SHISA9: variants seen among roughly 807,000 people sequenced by gnomAD.
The protein encoded by SHISA9 is protein shisa-9.
Under a neutral mutation model 38.0 loss-of-function variants are expected in SHISA9, and 13 were observed. That is an observed-to-expected ratio of 0.34 (90% CI 0.22 to 0.54). The LOEUF is 0.54. Among genes scored for constraint, SHISA9 ranks in the 20% least tolerant of loss-of-function variants. The pLI is 0.91. For missense variants in SHISA9, 538 were observed against 575.8 expected, an observed-to-expected ratio of 0.93 and a Z score of 0.67; for synonymous variants, 275 against 242.0, an observed-to-expected ratio of 1.14 and a Z score of -1.27.
chr16:13,447,934 G>T, the SHISA9 span, among the ~76,000 whole-genome samples: 1 of 152,312 alleles, frequency 6.6e-6, no homozygotes, highest in African/African-American at 2.4e-5. Flanking sequence ...ACATACAAAA[G>T]TCATTAGGTG....
intron 2 of SHISA9, among the ~76,000 whole-genome samples, chr16:13,092,869 A>C (rs1488307358): frequency 6.6e-6 from 1 of 152,160 alleles, no homozygotes; most frequent in East Asian, 1.9e-4. Flanking sequence ...CAGGTACCTC[A>C]GTTGGAAATG....
the SHISA9 span, among the ~76,000 whole-genome samples, chr16:13,530,727 C>T: frequency 1.3e-5 from 2 of 152,044 alleles, no homozygotes; most frequent in African/African-American, 4.8e-5. Context: ...AGCATGATTT[C>T]CTTCAGGCAG....
At chr16:13,057,513 T>C (rs2073324635) in intron 2 of SHISA9, among the ~76,000 whole-genome samples, 1 of 152,152 alleles carries the variant, frequency 6.6e-6, no homozygotes, top group South Asian at 2.1e-4. Context: ...ATTCTTGGGC[T>C]TCACCATAGA....
At chr16:13,386,620 G>A in the SHISA9 span, among the ~76,000 whole-genome samples, 12 of 152,066 alleles carry the variant, frequency 7.9e-5, no homozygotes, top group Admixed American at 2.0e-4. Flanking sequence ...TATTATACAC[G>A]TATCTTTGAA....
At chr16:13,085,307 T>C (rs1288347478) in intron 2 of SHISA9, among the ~76,000 whole-genome samples, 1 of 151,952 alleles carries the variant, frequency 6.6e-6, no homozygotes, top group Non-Finnish European at 1.5e-5. Flanking sequence ...TAAATAATTA[T>C]TAAGGAAGAG....
chr16:13,430,921 G>GAA, the SHISA9 span, among the ~76,000 whole-genome samples: 46,470 of 143,974 alleles, frequency 0.32, 7,769 homozygotes, highest in East Asian at 0.52. Flanking sequence ...TCTGTTTCTA[G>GAA]AAAAAAAAAA....
At chr16:13,119,028 G>T (rs2074059844) in intron 2 of SHISA9, among the ~76,000 whole-genome samples, 1 of 152,168 alleles carries the variant, frequency 6.6e-6, no homozygotes, top group East Asian at 1.9e-4. Flanking sequence ...CACCGTGCCT[G>T]GCCATGTTTT....
chr16:12,925,447 A>ATG (rs1555500777), intron 2 of SHISA9, among the ~76,000 whole-genome samples: 2,250 of 66,240 alleles, frequency 0.034, 57 homozygotes, highest in African/African-American at 0.11. Context: ...GTGTGTGTGT[A>ATG]TGTGTGTGTG....
chr16:13,260,752 C>T, the SHISA9 span, among the ~76,000 whole-genome samples: 10 of 152,308 alleles, frequency 6.6e-5, no homozygotes, highest in African/African-American at 2.2e-4. Context: ...GTTCCAAAGT[C>T]GCTTCCACAT....
intron 4 of SHISA9, among the ~76,000 whole-genome samples, chr16:13,228,706 T>C (rs1444067940): frequency 6.6e-6 from 1 of 152,194 alleles, no homozygotes; most frequent in African/African-American, 2.4e-5. Context: ...TCATATATTT[T>C]TTTTAATTTT....
chr16:13,370,111 A>G, the SHISA9 span, among the ~76,000 whole-genome samples: 1 of 152,196 alleles, frequency 6.6e-6, no homozygotes, highest in Admixed American at 6.5e-5. Flanking sequence ...CTGATTCCAA[A>G]GTGCAGCCCG....
intron 2 of SHISA9, among the ~76,000 whole-genome samples, chr16:13,155,740 T>C: frequency 6.6e-6 from 1 of 152,182 alleles, no homozygotes; most frequent in Non-Finnish European, 1.5e-5. Flanking sequence ...GGGACATTTG[T>C]TAATTCCATT....
At chr16:13,244,036 G>A (rs2051454640), downstream of SHISA9, among the ~76,000 whole-genome samples, 1 of 152,118 alleles carries the variant, frequency 6.6e-6, no homozygotes, top group Non-Finnish European at 1.5e-5. Context: ...CTCCCAAAGT[G>A]CTGGGATTAC....
intron 2 of SHISA9, among the ~76,000 whole-genome samples, chr16:13,182,913 A>G (rs2050790314): frequency 6.6e-6 from 1 of 152,234 alleles, no homozygotes; most frequent in African/African-American, 2.4e-5. Context: ...TTGCAGTCAC[A>G]CAGTGACTGG....
the SHISA9 span, among the ~76,000 whole-genome samples, chr16:13,257,323 C>A: frequency 6.6e-6 from 1 of 152,178 alleles, no homozygotes; most frequent in African/African-American, 2.4e-5. Flanking sequence ...GCCTGGCTTA[C>A]TTCTTATTCA....
At chr16:13,213,438 C>T (rs1287389615) in intron 4 of SHISA9, 138 bp downstream of exon 4, 4 of 723,854 alleles carry the variant, frequency 5.5e-6, no homozygotes, top group South Asian at 1.9e-5. Context: ...GCAAGTCCGT[C>T]TAAGTTCCAG....
At chr16:13,221,970 A>C (rs879839975) in intron 4 of SHISA9, among the ~76,000 whole-genome samples, 1 of 152,230 alleles carries the variant, frequency 6.6e-6, no homozygotes, top group Non-Finnish European at 1.5e-5. Context: ...TAAAGGAAAG[A>C]GGTTCAATGG....
At chr16:13,469,356 AAGAAAAGAAAAAGAAAGAAAG>A in the SHISA9 span, among the ~76,000 whole-genome samples, 183 of 125,922 alleles carry the variant, frequency 1.5e-3, 2 homozygotes, top group East Asian at 0.016. Context: ...GAAAGAAAGA[AAGAAAAGAAAAAGAAAGAAAG>A]AAAGAAAGAA....
intron 2 of SHISA9, among the ~76,000 whole-genome samples, chr16:13,063,684 G>A (rs999247984): frequency 6.6e-6 from 1 of 152,120 alleles, no homozygotes; most frequent in Admixed American, 6.5e-5. Flanking sequence ...AGTCAGTGAT[G>A]GTATCCAAGG....
Sources: gnomAD v4.1 joint callset for allele counts (sites outside exome capture counted in the v4.1 genomes callset) on GRCh38, gnomAD v4.1.1 for gene constraint, MANE v1.5 for transcripts, NCBI Gene and HGNC (gene_info 2026-07-23, HGNC 2026-07-21) for gene names.